Variants in MAF observed in about 807,000 individuals in gnomAD.
MAF encodes MAF bZIP transcription factor.
Under a neutral mutation model 22.0 loss-of-function variants are expected in MAF, and 10 were observed. That is an observed-to-expected ratio of 0.45 (90% CI 0.28 to 0.77). MAF has a LOEUF of 0.77. Ranked by LOEUF, MAF falls within the 30% of genes least tolerant of loss-of-function variation. The pLI, the probability that MAF is intolerant of heterozygous loss-of-function variation, is 0.12. For missense variants in MAF, 544 were observed against 548.4 expected (o/e 0.99, Z 0.08); for synonymous variants, 337 against 255.8 (o/e 1.32, Z -3.03).
chr16:79,581,137 G>A (rs892224571), downstream of MAF, among the ~76,000 whole-genome samples: 5 of 152,036 alleles, frequency 3.3e-5, no homozygotes, highest in Non-Finnish European at 5.9e-5. Flanking sequence ...TTTTTTAAAA[G>A]AATTCTAATC....
chr16:79,350,968 G>C, the MAF span, among the ~76,000 whole-genome samples: 1 of 151,798 alleles, frequency 6.6e-6, no homozygotes, highest in Admixed American at 6.6e-5. Flanking sequence ...GATCTGAGAA[G>C]GCCTGGCCCA....
At chr16:79,464,219 C>A in the MAF span, among the ~76,000 whole-genome samples, 1 of 152,128 alleles carries the variant, frequency 6.6e-6, no homozygotes, top group African/African-American at 2.4e-5. Flanking sequence ...AGGGCTTTTG[C>A]AGACACCAGG....
At chr16:79,340,360 T>C in the MAF span, among the ~76,000 whole-genome samples, 1 of 151,536 alleles carries the variant, frequency 6.6e-6, no homozygotes. Context: ...AATTTAGTCA[T>C]GTAACACAGG....
chr16:79,328,600 G>A, the MAF span, among the ~76,000 whole-genome samples: 1 of 152,212 alleles, frequency 6.6e-6, no homozygotes. Context: ...AGCCGAGCTG[G>A]CACTTGAACG....
chr16:79,288,981 C>T, the MAF span, among the ~76,000 whole-genome samples: 88 of 152,328 alleles, frequency 5.8e-4, no homozygotes, highest in African/African-American at 2.0e-3. Flanking sequence ...CCACCCGCCT[C>T]GGCCTCCCAA....
At chr16:79,328,676 G>A in the MAF span, among the ~76,000 whole-genome samples, 1 of 152,138 alleles carries the variant, frequency 6.6e-6, no homozygotes, top group Non-Finnish European at 1.5e-5. Flanking sequence ...CTTTCATTTG[G>A]CCAATATAAC....
chr16:79,328,281 C>CTT, the MAF span, among the ~76,000 whole-genome samples: 9 of 150,930 alleles, frequency 6.0e-5, no homozygotes, highest in Non-Finnish European at 1.0e-4. Context: ...ATCAGAGCTC[C>CTT]TTTTTTTTTA....
the MAF span, among the ~76,000 whole-genome samples, chr16:79,254,451 A>C: frequency 6.6e-6 from 1 of 152,138 alleles, no homozygotes; most frequent in Admixed American, 6.5e-5. Context: ...TGCAATTTTT[A>C]CCATTATCAA....
the MAF span, among the ~76,000 whole-genome samples, chr16:79,375,348 T>C: frequency 6.6e-6 from 1 of 152,192 alleles, no homozygotes; most frequent in African/African-American, 2.4e-5. Context: ...TTCCACATTG[T>C]TGTTCTTCAT....
At chr16:79,463,941 A>T in the MAF span, among the ~76,000 whole-genome samples, 1 of 149,980 alleles carries the variant, frequency 6.7e-6, no homozygotes, top group Non-Finnish European at 1.5e-5. Flanking sequence ...GAGTGTTAGG[A>T]GACAAAACCC....
Position 79,593,996 on chromosome 16 carries a change from G to A in MAF, c.*464C>T, listed in dbSNP as rs535783041. On this transcript the variant is annotated 3_prime_UTR_variant, in exon 2 of 2. Coordinates refer to ENST00000326043, the MANE Select transcript of MAF (RefSeq NM_005360.5). ...CGCTGGAGCCTCTGCCCGTGGATTT[G>A]TTTAGGGAAGGGGAGTCGAATATCT... The A allele has an allele frequency of 3.2e-3, 701 of 219,872 alleles. 2 individuals carry two copies. Among genetic ancestry groups the A allele is most frequent in the Middle Eastern group, 6.0e-3 (4 of 662 alleles). 13.6% of individuals were successfully genotyped at this position (219,872 alleles called of 1,614,324 possible).
At chr16:79,335,795 T>G in the MAF span, among the ~76,000 whole-genome samples, 1 of 152,158 alleles carries the variant, frequency 6.6e-6, no homozygotes, top group Non-Finnish European at 1.5e-5. Context: ...CTCTGGTTGG[T>G]GATTTTCTTC....
the MAF span, among the ~76,000 whole-genome samples, chr16:79,405,515 C>T: frequency 6.6e-6 from 1 of 152,206 alleles, no homozygotes; most frequent in African/African-American, 2.4e-5. Context: ...ATAGAAGTCA[C>T]TTCTTCCTCC....
the MAF span, among the ~76,000 whole-genome samples, chr16:79,214,448 C>T: frequency 7.2e-5 from 11 of 152,226 alleles, no homozygotes; most frequent in African/African-American, 2.4e-4. Flanking sequence ...CACTGTCGCC[C>T]GGGCTGCAGT....
At chr16:79,433,296 A>G in the MAF span, among the ~76,000 whole-genome samples, 4 of 149,328 alleles carry the variant, frequency 2.7e-5, no homozygotes, top group Admixed American at 2.0e-4. Context: ...ATATATATAT[A>G]TAATACTATG....
At chr16:79,319,282 C>A in the MAF span, among the ~76,000 whole-genome samples, 1 of 152,208 alleles carries the variant, frequency 6.6e-6, no homozygotes, top group East Asian at 1.9e-4. Flanking sequence ...TTAAGATGAA[C>A]TTTAAGCGGG....
chr16:79,430,952 C>T, the MAF span, among the ~76,000 whole-genome samples: 24 of 152,312 alleles, frequency 1.6e-4, no homozygotes, highest in Admixed American at 1.6e-3. Flanking sequence ...TTCCTGGGAA[C>T]AGGGTGACAG....
chr16:79,417,136 C>G, the MAF span, among the ~76,000 whole-genome samples: 1 of 152,284 alleles, frequency 6.6e-6, no homozygotes, highest in Non-Finnish European at 1.5e-5. Flanking sequence ...TTCTCATTTT[C>G]ATTTGAGGCT....
At chr16:79,428,736 T>C in the MAF span, among the ~76,000 whole-genome samples, 1 of 151,912 alleles carries the variant, frequency 6.6e-6, no homozygotes, top group Admixed American at 6.6e-5. Context: ...TTCTAGCTAC[T>C]TGGGAGGCTG....
Sources: gnomAD v4.1 joint callset for allele counts (sites outside exome capture counted in the v4.1 genomes callset) on GRCh38, gnomAD v4.1.1 for gene constraint, MANE v1.5 for transcripts, NCBI Gene and HGNC (gene_info 2026-07-23, HGNC 2026-07-21) for gene names.